The following CFP variants were observed in gnomAD, a reference collection of about 807,000 sequenced individuals.
CFP encodes complement factor properdin, also known as properdin.
In CFP, 14 loss-of-function variants were observed where a neutral mutation model predicts 42.1. That is an observed-to-expected ratio of 0.33 (90% confidence interval 0.22 to 0.52). CFP has a LOEUF of 0.52. Among genes scored for constraint, CFP ranks in the 20% least tolerant of loss-of-function variants. The pLI, the probability that CFP is intolerant of heterozygous loss-of-function variation, is 0.96. For synonymous variants in CFP, 149 were observed against 160.6 expected (o/e 0.93, Z 0.54); for missense variants, 318 against 400.4 (o/e 0.79, Z 1.76).
Position 47,629,867 on chromosome X carries a change from T to A in CFP, c.-23A>T. On this transcript the variant is annotated 5_prime_UTR_variant, in exon 1 of 9. Transcript: ENST00000396992. ...CATGTTGAGTACTGCCCCCTGCACC[T>A]CTACCAGAGAGGAGGTCCCGCTTTA... 1.7e-6 allele frequency: 2 copies of A among 1,162,495 alleles called. No individual in the cohort carries two copies. Among genetic ancestry groups the A allele is most frequent in the African/African-American group, 3.6e-5 (2 of 55,968 alleles).
In CFP at chrX:47,629,749, C is replaced by T. The variant is rs1410211752; in HGVS notation, c.76+20G>A. On this transcript the variant is annotated intron_variant, in intron 1 of 8. Transcript: ENST00000396992. The stretch of plus-strand genomic sequence containing the variant: ...TGGGCCTGGACACCCCTGGGGCCAG[C>T]TGGGCCCTCACCCCCTCACCTGTGG... 1 of 1,168,040 alleles carries T rather than the reference C, an allele frequency of 8.6e-7. No individual in the cohort carries two copies. Among genetic ancestry groups the T allele is most frequent in the Admixed American group, 2.6e-5 (1 of 38,925 alleles).
At position 47,623,964 on chromosome X, in the gene CFP, C is replaced by T; in HGVS notation, c.*311G>A. The T allele has an allele frequency of 3.3e-6, 1 of 300,022 alleles. No individual in the cohort carries two copies. The allele number at this position is 300,022 out of a possible 1,213,427, so 24.7% of individuals were successfully genotyped here. A position where few individuals can be genotyped will look rare whatever the true frequency, so the allele number is the denominator to read the frequency against. ...GAGCTCTGCAGAGGAACGTGCCGGG[C>T]GGCCCTGAGGCTCTAAGGGGGCTGC... On this transcript the variant is annotated 3_prime_UTR_variant, in exon 9 of 9. Coordinates refer to ENST00000396992, the MANE Select transcript of CFP (RefSeq NM_001145252.3).
In CFP at chrX:47,629,374, T is replaced by A. The variant is rs8177069; in HGVS notation, c.227+150A>T. The A allele has an allele frequency of 8.7e-5, 40 of 459,123 alleles. No homozygotes were observed. The African/African-American group carries it at 8.9e-4, about 10-fold the overall frequency. 37.8% of individuals were successfully genotyped at this position (459,123 alleles called of 1,213,427 possible). ...AATTTCCAGCCCCAAATGTCAATAG[T>A]AACAAGGTTGAGAAACCCTGAGGTA... On this transcript the variant is annotated intron_variant, in intron 2 of 8. Transcript: ENST00000396992.
chrX:47,624,560 C>CTTTTTTTTTTT (rs371118050), intron 8 of CFP, 120 bp from the exon 9 acceptor site: 1 of 237,787 alleles, frequency 4.2e-6, no homozygotes. Context: ...TTTTTTTTTC[C>CTTTTTTTTTTT]TTTTTTTTTT....
Position 47,623,989 on chromosome X carries a change from C to T in CFP, c.*286G>A. ...CGGCCCTGAGGCTCTAAGGGGGCTG[C>T]GCAGGGCCCAGACATTGGGGTTATG... On this transcript the variant is annotated 3_prime_UTR_variant, in exon 9 of 9. Coordinates refer to ENST00000396992, the MANE Select transcript of CFP (RefSeq NM_001145252.3). 1 of 352,117 alleles carries T rather than the reference C, an allele frequency of 2.8e-6. No homozygotes were observed. Among genetic ancestry groups the T allele is most frequent in the Non-Finnish European group, 5.0e-6 (1 of 198,404 alleles). 29.0% of individuals were successfully genotyped at this position (352,117 alleles called of 1,213,427 possible).
chrX:47,628,277 C>T lies in CFP; in HGVS notation c.228G>A (p.Arg76=), dbSNP rs760669571. 4.1e-6 allele frequency: 5 copies of T among 1,205,791 alleles called. No individual in the cohort carries two copies. Among genetic ancestry groups the T allele is most frequent in the Middle Eastern group, 2.3e-4 (1 of 4,347 alleles). Residue 76 remains arginine, a splice_region_variant and synonymous_variant, in exon 3 of 9, where the codon AGG becomes AGA. Transcript: ENST00000396992. The part of the protein sequence containing the change: ...KRSGGLCQPC[R]SPRWSLWSTW... The stretch of plus-strand genomic sequence containing the variant: ...TGGACCACAGGGACCATCGTGGGGA[C>T]CTGTGGAGAAGAGCACACACATCCC...
At chrX:47,627,785 G>A in intron 3 of CFP, 144 bp from the exon 4 acceptor site, 1 of 671,403 alleles carries the variant, frequency 1.5e-6, no homozygotes, top group Non-Finnish European at 2.2e-6. Flanking sequence ...CACCGGGCCT[G>A]CCGCAGCAAC....
At chrX:47,628,624 T>G (rs1041967164) in intron 2 of CFP, 65 of 380,954 alleles carry the variant, frequency 1.7e-4, no homozygotes, top group Non-Finnish European at 3.4e-5. Context: ...AAATAGAAAG[T>G]GCTTAATAAA....
At position 47,627,480 on chromosome X, in the gene CFP, C is replaced by T. The variant is rs766932988; in HGVS notation, c.565G>A (p.Val189Ile). The T allele has an allele frequency of 8.3e-7, 1 of 1,211,615 alleles. No homozygotes were observed. The highest frequency in any genetic ancestry group is 1.1e-6 in the Non-Finnish European group (1 of 895,305). The change falls in exon 4 of 9, where the codon GTC becomes ATC. Residue 189 changes from valine to isoleucine, a missense_variant. Coordinates refer to ENST00000396992, the MANE Select transcript of CFP (RefSeq NM_001145252.3). Reference protein sequence around the residue: ...QESEACDTQQVCPTHGAWATW... With the variant: ...QESEACDTQQICPTHGAWATW... ...GGCTTCCCTCACTCACTGGGGCAGA[C>T]CTGCTGGGTGTCACAGGCCTCTGAT...
chrX:47,624,152 C>A lies in CFP; in HGVS notation c.*123G>T, dbSNP rs2057958827. The A allele has an allele frequency of 2.7e-6, 2 of 752,378 alleles. No homozygotes were observed. The highest frequency in any genetic ancestry group is 4.1e-6 in the Non-Finnish European group (2 of 484,942). 62.0% of individuals were successfully genotyped at this position (752,378 alleles called of 1,213,427 possible). A position where few individuals can be genotyped will look rare whatever the true frequency, so the allele number is the denominator to read the frequency against. ...TGCTGTTTGCCCTATGAGATGCTAT[C>A]ACCCTACTTTTGGGGAAGGGGATAG... On this transcript the variant is annotated 3_prime_UTR_variant, in exon 9 of 9. Coordinates refer to ENST00000396992, the MANE Select transcript of CFP (RefSeq NM_001145252.3).
At chrX:47,625,545 G>C (rs1179707672) in intron 8 of CFP, 1 of 153,566 alleles carries the variant, frequency 6.5e-6, no homozygotes, top group African/African-American at 3.1e-5. Context: ...CCTGGACCTA[G>C]GTTGAGGTGG....
rs767897679 is a variant in CFP at position 47,626,476 on chromosome X, G to A, written c.984C>T (p.Ile328=). Residue 328 remains isoleucine, a synonymous_variant, in exon 7 of 9, where the codon ATC becomes ATT. Coordinates refer to ENST00000396992, the MANE Select transcript of CFP (RefSeq NM_001145252.3). The part of the protein sequence containing the change: ...WDSWGEWSPC[I]RRNMKSISCQ... ...AGCTGATGGACTTCATGTTCCGTCG[G>A]ATACAGGGGCTCCACTCCCCCCACG... The A allele has an allele frequency of 6.6e-6, 8 of 1,209,724 alleles. No homozygotes were observed. The East Asian group carries it at 2.4e-4, about 36-fold the overall frequency.
At chrX:47,627,685 A>T in intron 3 of CFP, 44 bp from the exon 4 acceptor site, 1 of 1,118,878 alleles carries the variant, frequency 8.9e-7, no homozygotes, top group Non-Finnish European at 1.2e-6. Flanking sequence ...GTGGGGTGTC[A>T]TTCAGGGCTC....
At chrX:47,626,541 G>A in intron 6 of CFP, 22 bp from the exon 7 acceptor site, 1 of 1,206,396 alleles carries the variant, frequency 8.3e-7, no homozygotes. Flanking sequence ...GGGCAACAGG[G>A]GATTGGACCA....
intron 8 of CFP, 95 bp from the exon 9 acceptor site, chrX:47,624,535 G>T: frequency 1.6e-6 from 1 of 638,673 alleles, no homozygotes; most frequent in Non-Finnish European, 2.2e-6. Flanking sequence ...TATGCCGAGG[G>T]CTACTTTTTT....
In CFP at chrX:47,626,080, T is replaced by A; in HGVS notation, c.1222A>T (p.Thr408Ser). 1 of 1,177,508 alleles carries A rather than the reference T, an allele frequency of 8.5e-7. No homozygotes were observed. Among genetic ancestry groups the A allele is most frequent in the Non-Finnish European group, 1.1e-6 (1 of 877,405 alleles). Reference sequence around the variant, plus strand: ...CACGGGTACTTGGGGAGCAAGGGTGTGCAGAGGCGCTGGCGGGCACGGGTA... The same window carrying A: ...CACGGGTACTTGGGGAGCAAGGGTGAGCAGAGGCGCTGGCGGGCACGGGTA... ...NPTRARQRLC[T>S]PLLPKYPPTV... Residue 408 changes from threonine to serine, a missense_variant, in exon 8 of 9, where the codon ACA becomes TCA. Transcript: ENST00000396992.
intron 8 of CFP, chrX:47,624,780 C>T: frequency 6.0e-6 from 1 of 165,471 alleles, no homozygotes; most frequent in Non-Finnish European, 1.1e-5. Flanking sequence ...TTCTCTGTGC[C>T]TCGGTTTCCC....
Position 47,626,135 on chromosome X carries a change from C to T in CFP, c.1167G>A (p.Gly389=), listed in dbSNP as rs1481322065. ...TAGGTCCACAGGGGGGCATGCACAG[C>T]CCCCAGGTACTCCACTCTGACCATG... ...KGSWSEWSTW[G]LCMPPCGPNP... The change falls in exon 8 of 9, where the codon GGG becomes GGA. Residue 389 remains glycine, a synonymous_variant. Coordinates refer to ENST00000396992, the MANE Select transcript of CFP (RefSeq NM_001145252.3). 4 of 1,174,538 alleles carry T rather than the reference C, an allele frequency of 3.4e-6. No individual in the cohort carries two copies. The highest frequency in any genetic ancestry group is 3.6e-5 in the African/African-American group (2 of 55,803).
Position 47,629,510 on chromosome X carries a change from AG to A in CFP, c.227+13del. On this transcript the variant is annotated intron_variant, in intron 2 of 8. Coordinates refer to ENST00000396992, the MANE Select transcript of CFP (RefSeq NM_001145252.3). ...TTCCCTCCCCCCCATCCCCCACCCC[AG>A]GCTCCCCCTAACCTGCAAGGCTGAC... 1 of 288,646 alleles carries A rather than the reference AG, an allele frequency of 3.5e-6. No individual in the cohort carries two copies. The highest frequency in any genetic ancestry group is 5.8e-6 in the Non-Finnish European group (1 of 173,849). The allele number at this position is 288,646 out of a possible 1,213,427, so 23.8% of individuals were successfully genotyped here.
Sources: allele counts gnomAD v4.1 joint callset, GRCh38; gene constraint gnomAD v4.1.1; transcripts MANE v1.5; gene names NCBI Gene and HGNC (gene_info 2026-07-23, HGNC 2026-07-21).